Variants in MAK observed in about 807,000 individuals in gnomAD.
The protein encoded by MAK is serine/threonine-protein kinase MAK.
In MAK, 65 loss-of-function variants were observed where a neutral mutation model predicts 82.6. The observed-to-expected ratio is 0.79, with a 90% CI of 0.64 to 0.97. The LOEUF is 0.97. Ranked by LOEUF, MAK falls within the 50% of genes least tolerant of loss-of-function variation. The pLI is 0.00. For missense variants in MAK, 703 were observed against 780.2 expected (o/e 0.90, Z 1.18); for synonymous variants, 250 against 274.2 (o/e 0.91, Z 0.87).
At chr6:10,832,357 T>G (rs916344469) in intron 1 of MAK, among the ~76,000 whole-genome samples, 1 of 152,240 alleles carries the variant, frequency 6.6e-6, no homozygotes, top group Non-Finnish European at 1.5e-5. Flanking sequence ...TTGAAAGAAG[T>G]TCTACTGTAA....
Position 10,791,684 on chromosome 6 carries a change from G to A in MAK, c.1307C>T (p.Ser436Phe). ...GVFKEKRKKD[S>F]PFRLPEPVPS... ...GAATTTGAAATCTTACCGAAATGGA[G>A]AATCTTTTTTCCTTTTTTCTTTAAA... Residue 436 changes from serine to phenylalanine, a missense_variant, in exon 10 of 15, where the codon TCT (serine) becomes TTT (phenylalanine). Transcript: ENST00000354489. 6.2e-7 allele frequency: 1 copy of A among 1,613,386 alleles called. No homozygotes were observed. The highest frequency in any genetic ancestry group is 8.5e-7 in the Non-Finnish European group (1 of 1,179,702).
intron 10 of MAK, among the ~76,000 whole-genome samples, chr6:10,790,425 AAG>A (rs1405860443): frequency 6.6e-6 from 1 of 152,174 alleles, no homozygotes; most frequent in East Asian, 1.9e-4. Flanking sequence ...ACAAAAAAAA[AAG>A]AAAGTATCTT....
chr6:10,821,096 A>G (rs996691437), intron 2 of MAK, among the ~76,000 whole-genome samples: 1 of 151,888 alleles, frequency 6.6e-6, no homozygotes. Context: ...CTATAGGTAC[A>G]TGCCACCACG....
chr6:10,783,679 CTT>C (rs1011700750), intron 11 of MAK, among the ~76,000 whole-genome samples: 5 of 152,186 alleles, frequency 3.3e-5, no homozygotes, highest in Non-Finnish European at 5.9e-5. Context: ...CTTTGCCTCT[CTT>C]GAGTTCCCAG....
intron 14 of MAK, 101 bp downstream of exon 14, chr6:10,770,010 A>G: frequency 1.2e-6 from 2 of 1,605,294 alleles, no homozygotes; most frequent in Non-Finnish European, 1.7e-6. Context: ...GGTGAGGCTG[A>G]CTAAAAGTCT....
At position 10,800,264 on chromosome 6, in the gene MAK, A is replaced by G. The variant is rs1375695684; in HGVS notation, c.831+1628T>C. On this transcript the variant is annotated intron_variant, in intron 8 of 14. Transcript: ENST00000354489. This position sits in a 1 kb window ranked among gnomAD's most constrained non-coding sequence, Gnocchi z 4.2. ...CTGGGCAACAGAAACTCCATCTCAA[A>G]AAAAAAAGAAAATACACATACACAT... 6.6e-6 allele frequency among the ~76,000 whole-genome samples: 1 copy of G among 151,780 alleles called. No homozygotes were observed. Among genetic ancestry groups the G allele is most frequent in the Non-Finnish European group, 1.5e-5 (1 of 67,918 alleles).
chr6:10,764,400 A>G lies in MAK; in HGVS notation c.*52T>C. ...TTGTAGACATTTCCCAGGGTCAAGG[A>G]ACTTGCACGTACTCTACGGAGCAAT... On this transcript the variant is annotated 3_prime_UTR_variant, in exon 15 of 15. Coordinates refer to ENST00000354489, the MANE Select transcript of MAK (RefSeq NM_001242957.3). 3 of 1,581,382 alleles carry G rather than the reference A, an allele frequency of 1.9e-6. No homozygotes were observed. Among genetic ancestry groups the G allele is most frequent in the Non-Finnish European group, 2.6e-6 (3 of 1,153,008 alleles).
intron 14 of MAK, among the ~76,000 whole-genome samples, chr6:10,766,725 C>T (rs1028037414): frequency 6.6e-6 from 1 of 151,988 alleles, no homozygotes; most frequent in Non-Finnish European, 1.5e-5. Flanking sequence ...CAATAAGCCC[C>T]GCTTATTCAG....
chr6:10,813,634 A>T lies in MAK; in HGVS notation c.358+10T>A. On this transcript the variant is annotated intron_variant, in intron 5 of 14. Coordinates refer to ENST00000354489, the MANE Select transcript of MAK (RefSeq NM_001242957.3). Reference sequence around the variant, plus strand: ...AAGAGGTAGGGAAATTAAACTTAAAAGAAACCTACCATGTTTATGGATAAA... The same window carrying T: ...AAGAGGTAGGGAAATTAAACTTAAATGAAACCTACCATGTTTATGGATAAA... 1.3e-6 allele frequency: 2 copies of T among 1,512,180 alleles called. No homozygotes were observed. Among genetic ancestry groups the T allele is most frequent in the Middle Eastern group, 1.7e-4 (1 of 5,858 alleles). The allele number at this position is 1,512,180 out of a possible 1,614,324, so 93.7% of individuals were successfully genotyped here. A position where few individuals can be genotyped will look rare whatever the true frequency, so the allele number is the denominator to read the frequency against.
At chr6:10,803,978 A>G in intron 6 of MAK, 87 bp from the exon 7 acceptor site, 2 of 1,153,632 alleles carry the variant, frequency 1.7e-6, no homozygotes, top group South Asian at 1.3e-5. Flanking sequence ...GTGGTCATGC[A>G]TTTCCATCAA....
At chr6:10,825,724 T>C (rs1430733556) in intron 2 of MAK, among the ~76,000 whole-genome samples, 1 of 152,060 alleles carries the variant, frequency 6.6e-6, no homozygotes, top group Non-Finnish European at 1.5e-5. Context: ...GCCTGGACTC[T>C]TCCCCATTTT....
At chr6:10,784,869 A>G (rs995301169) in intron 10 of MAK, 2 of 540,830 alleles carry the variant, frequency 3.7e-6, no homozygotes, top group East Asian at 4.6e-5. Flanking sequence ...AGTTGGATTC[A>G]TAACGTGGGA....
intron 1 of MAK, among the ~76,000 whole-genome samples, chr6:10,831,581 T>C (rs959652878): frequency 1.3e-5 from 2 of 151,976 alleles, no homozygotes; most frequent in Non-Finnish European, 2.9e-5. Context: ...CATGCCCTTC[T>C]TTACAAAAAC....
chr6:10,797,628 G>T (rs921054159), intron 8 of MAK: 2 of 985,322 alleles, frequency 2.0e-6, no homozygotes, highest in East Asian at 2.3e-4. Context: ...GGGCAAAGTA[G>T]CTGGTCATTT....
intron 2 of MAK, among the ~76,000 whole-genome samples, chr6:10,827,108 TCAAAA>T (rs755090877): frequency 2.0e-5 from 3 of 152,098 alleles, no homozygotes; most frequent in South Asian, 2.1e-4. Flanking sequence ...AGAATCCATC[TCAAAA>T]CAAAACAAAA....
chr6:10,791,732 G>T lies in MAK; in HGVS notation c.1259C>A (p.Ser420Tyr), dbSNP rs1250725921. Reference sequence around the variant, plus strand: ...AAAAACACCCATGCTTGGCTTCTTGGAATGGGAGGCTCCGAAATCATAGTC... The same window carrying T: ...AAAAACACCCATGCTTGGCTTCTTGTAATGGGAGGCTCCGAAATCATAGTC... ...LEDYDFGASH[S>Y]KKPSMGVFKE... Residue 420 changes from serine to tyrosine, a missense_variant, in exon 10 of 15, where the codon TCC becomes TAC. Coordinates refer to ENST00000354489, the MANE Select transcript of MAK (RefSeq NM_001242957.3). 6.2e-7 allele frequency: 1 copy of T among 1,613,868 alleles called. No individual in the cohort carries two copies. The highest frequency in any genetic ancestry group is 2.2e-5 in the East Asian group (1 of 44,894).
rs776892781 is a variant in MAK, at chr6:10,801,900, C to T, written c.823G>A (p.Ala275Thr). The T allele has an allele frequency of 5.6e-6, 9 of 1,614,010 alleles. No homozygotes were observed. In the African/African-American group the frequency reaches 1.2e-4, roughly 22 times the overall value. Residue 275 changes from alanine to threonine, a missense_variant, in exon 8 of 15, where the codon GCA becomes ACA. Transcript: ENST00000354489. ...LNWDPKKRPT[A>T]SQALKHPYFQ... Reference sequence around the variant, plus strand: ...AGGAAGACTCCTCTTACCTGGCTTGCTGTCGGTCGTTTCTTTGGATCCCAA... The same window carrying T: ...AGGAAGACTCCTCTTACCTGGCTTGTTGTCGGTCGTTTCTTTGGATCCCAA...
intron 11 of MAK, among the ~76,000 whole-genome samples, chr6:10,779,127 C>CAAAAAAA (rs918122203): frequency 5.0e-5 from 1 of 20,010 alleles, no homozygotes; most frequent in African/African-American, 1.6e-4. Flanking sequence ...CACTTCGTCT[C>CAAAAAAA]AAAAAAAAAA....
At chr6:10,790,746 C>T (rs886138697) in intron 10 of MAK, among the ~76,000 whole-genome samples, 5 of 152,180 alleles carry the variant, frequency 3.3e-5, no homozygotes, top group Admixed American at 1.3e-4. Context: ...CCCTCTGATA[C>T]GTTTTGGACA....
Sources: allele counts gnomAD v4.1 joint callset (sites outside exome capture counted in the v4.1 genomes callset), GRCh38; gene constraint gnomAD v4.1.1; non-coding constraint Gnocchi (gnomAD v3.1); transcripts MANE v1.5; gene names NCBI Gene and HGNC (gene_info 2026-07-23, HGNC 2026-07-21).